The following IFT122 variants were observed in gnomAD, a reference collection of about 807,000 sequenced individuals.
The protein encoded by IFT122 is intraflagellar transport protein 122 homolog.
Under a neutral mutation model 161.6 loss-of-function variants are expected in IFT122, and 118 were observed. The observed-to-expected ratio is 0.73, with a 90% CI of 0.63 to 0.85. IFT122 has a LOEUF of 0.85. Ranked by LOEUF, IFT122 falls within the 40% of genes least tolerant of loss-of-function variation. The pLI, the probability that IFT122 is intolerant of heterozygous loss-of-function variation, is 0.00. For synonymous variants in IFT122, 550 were observed against 602.4 expected (o/e 0.91, Z 1.27); for missense variants, 1,381 against 1,579.6 (o/e 0.87, Z 2.13).
intron 4 of IFT122, among the ~76,000 whole-genome samples, chr3:129,459,926 A>G (rs1025318773): frequency 6.6e-6 from 1 of 151,656 alleles, no homozygotes; most frequent in African/African-American, 2.4e-5. Flanking sequence ...GCCAATTTTT[A>G]AATTTTTTTT....
At chr3:129,504,727 G>C (rs1249022221) in intron 21 of IFT122, among the ~76,000 whole-genome samples, 1 of 152,124 alleles carries the variant, frequency 6.6e-6, no homozygotes, top group Non-Finnish European at 1.5e-5. Context: ...TTTAATCCTC[G>C]CAACAGCCCT....
intron 9 of IFT122, 194 bp from the exon 10 acceptor site, chr3:129,476,121 G>A: frequency 1.5e-6 from 1 of 647,212 alleles, no homozygotes; most frequent in Non-Finnish European, 2.8e-6. Flanking sequence ...TTTGGGCTGT[G>A]TAGAGGATGA....
intron 3 of IFT122, chr3:129,452,239 C>T (rs2074938152): frequency 4.1e-6 from 2 of 482,200 alleles, no homozygotes; most frequent in Non-Finnish European, 7.6e-6. Context: ...GGTGGTCCCT[C>T]CCCTTATGGG....
At chr3:129,493,259 G>A (rs187896122) in intron 17 of IFT122, among the ~76,000 whole-genome samples, 1 of 152,350 alleles carries the variant, frequency 6.6e-6, no homozygotes, top group African/African-American at 2.4e-5. Context: ...TGGAAACAGT[G>A]AGGAAATAGC....
At chr3:129,453,740 A>G (rs1326551872) in intron 3 of IFT122, among the ~76,000 whole-genome samples, 4 of 152,204 alleles carry the variant, frequency 2.6e-5, no homozygotes, top group Non-Finnish European at 5.9e-5. Flanking sequence ...AAGGATTGTT[A>G]CAGTTGGGGT....
intron 17 of IFT122, among the ~76,000 whole-genome samples, chr3:129,493,733 C>G (rs1410937908): frequency 1.3e-5 from 2 of 152,208 alleles, no homozygotes; most frequent in African/African-American, 4.8e-5. Flanking sequence ...TGCTGACTTT[C>G]ACTTGTAAAT....
At position 129,499,916 on chromosome 3, in the gene IFT122, T is replaced by C. The variant is rs764418590; in HGVS notation, c.2223T>C (p.Ser741=). The change falls in exon 19 of 30, where the codon TCT becomes TCC. Residue 741 remains serine, a synonymous_variant. Transcript: ENST00000348417. ...MFEYAKDFLG[S]GDPKETKMLI... is the part of the protein sequence containing the mutation. ...TGCTTCCTCAGGATTTCCTTGGATC[T>C]GGAGACCCCAAAGAAACAAAGATGC... The C allele has an allele frequency of 1.9e-6, 3 of 1,614,060 alleles. No individual in the cohort carries two copies. The highest frequency in any genetic ancestry group is 2.5e-6 in the Non-Finnish European group (3 of 1,180,022).
intron 12 of IFT122, among the ~76,000 whole-genome samples, chr3:129,479,521 T>A (rs2078380622): frequency 2.0e-5 from 3 of 152,148 alleles, no homozygotes; most frequent in Admixed American, 2.0e-4. Flanking sequence ...GTGGCAAGTA[T>A]GTGTACTTTT....
At chr3:129,491,948 C>T (rs2080160329) in intron 16 of IFT122, among the ~76,000 whole-genome samples, 193 bp from the exon 17 acceptor site, 1 of 152,174 alleles carries the variant, frequency 6.6e-6, no homozygotes, top group African/African-American at 2.4e-5. Flanking sequence ...TTACATGGTC[C>T]AATCCCATGG....
chr3:129,461,479 A>G, intron 5 of IFT122, 175 bp downstream of exon 5: 1 of 668,798 alleles, frequency 1.5e-6, no homozygotes, highest in East Asian at 2.8e-5. Flanking sequence ...AAACCAAGAC[A>G]GTGAATGGTG....
rs36222038 is a variant in IFT122, at chr3:129,440,386, G to T, written c.41+15G>T. On this transcript the variant is annotated intron_variant, in intron 1 of 29. Coordinates refer to ENST00000348417, the MANE Select transcript of IFT122 (RefSeq NM_052989.3). ...GCCGAGCACTGGTGAGGAGCGGGGCGGTTCGCGAAGAGCAGGAGGTCGAGT... is the reference window on the plus strand; with the variant it reads ...GCCGAGCACTGGTGAGGAGCGGGGCTGTTCGCGAAGAGCAGGAGGTCGAGT... The T allele has an allele frequency of 1.0e-3, 1,590 of 1,550,394 alleles. 1 individual carries two copies. The highest frequency in any genetic ancestry group is 1.4e-3 in the East Asian group (58 of 40,922).
chr3:129,455,898 T>TGAGGAGGAG (rs57434974), intron 3 of IFT122, among the ~76,000 whole-genome samples: 1 of 150,618 alleles, frequency 6.6e-6, no homozygotes, highest in Non-Finnish European at 1.5e-5. Context: ...TTGAATAGGC[T>TGAGGAGGAG]GAGGAGGAGG....
chr3:129,454,212 C>G (rs144202641), intron 3 of IFT122, among the ~76,000 whole-genome samples: 1 of 152,094 alleles, frequency 6.6e-6, no homozygotes, highest in East Asian at 1.9e-4. Context: ...CACTTTAGTC[C>G]TGCATAAAGA....
Position 129,514,491 on chromosome 3 carries a change from A to T in IFT122, c.3090A>T (p.Arg1030Ser). 6.2e-7 allele frequency: 1 copy of T among 1,614,206 alleles called. No individual in the cohort carries two copies. The highest frequency in any genetic ancestry group is 8.5e-7 in the Non-Finnish European group (1 of 1,180,026). The change falls in exon 25 of 30, where the codon AGA (arginine) becomes AGT (serine). Residue 1030 changes from arginine (R) to serine (S), a missense_variant. Transcript: ENST00000348417. Reference protein sequence around the residue: ...DKLRGLYIPARFQKSIELGTL... With the variant: ...DKLRGLYIPASFQKSIELGTL... ...TGCGTGGCCTGTACATCCCTGCCAG[A>T]TTCCAAAAGTCCATTGAGCTGGGTA...
rs546420958 is a variant in IFT122 at position 129,520,385 on chromosome 3, T to TG, written c.*128dup. 4,808 of 820,114 alleles carry TG rather than the reference T, an allele frequency of 5.9e-3. 17 individuals carry two copies. The highest frequency in any genetic ancestry group is 7.6e-3 in the Non-Finnish European group (3,770 of 493,558). 50.8% of individuals were successfully genotyped at this position (820,114 alleles called of 1,614,324 possible). A position where few individuals can be genotyped will look rare whatever the true frequency, so the allele number is the denominator to read the frequency against. Reference sequence around the variant, plus strand: ...TTGCCCAGATGAAGTTTGTGTTTTGTGGGGGGGGCCTTGTGTAACCACGGA... The same window carrying TG: ...TTGCCCAGATGAAGTTTGTGTTTTGTGGGGGGGGGCCTTGTGTAACCACGGA... On this transcript the variant is annotated 3_prime_UTR_variant, in exon 30 of 30. Transcript: ENST00000348417.
chr3:129,483,683 G>GT lies in IFT122; in HGVS notation c.1851+2dup, dbSNP rs1173356704. 6.3e-7 allele frequency: 1 copy of GT among 1,585,392 alleles called. No homozygotes were observed. The highest frequency in any genetic ancestry group is 8.6e-7 in the Non-Finnish European group (1 of 1,165,446). On this transcript the variant is annotated splice_donor_variant, in intron 15 of 29. Coordinates refer to ENST00000348417, the MANE Select transcript of IFT122 (RefSeq NM_052989.3). LOFTEE classifies it high-confidence loss of function. ...CATTTCTGCCGTGGAGGTGCCGCAGGTAACTGGGGGTGCCTGTCCACTCTT... is the reference window on the plus strand; with the variant it reads ...CATTTCTGCCGTGGAGGTGCCGCAGGTTAACTGGGGGTGCCTGTCCACTCTT...
chr3:129,519,301 TGTG>T (rs1447607142), intron 28 of IFT122, 115 bp downstream of exon 28: 4 of 1,092,208 alleles, frequency 3.7e-6, no homozygotes, highest in East Asian at 2.4e-5. Context: ...AACTTCCAGA[TGTG>T]GTGGCACGAA....
At chr3:129,445,837 G>A (rs1357614078) in intron 1 of IFT122, among the ~76,000 whole-genome samples, 1 of 152,204 alleles carries the variant, frequency 6.6e-6, no homozygotes, top group African/African-American at 2.4e-5. Flanking sequence ...CTCAGCAGGT[G>A]CTGTCTGGAA....
chr3:129,446,089 T>A (rs183158342), intron 1 of IFT122, among the ~76,000 whole-genome samples: 8 of 151,062 alleles, frequency 5.3e-5, no homozygotes, highest in Non-Finnish European at 1.2e-4. Context: ...ACACAGACTT[T>A]AAGTATGATA....
Sources: gnomAD v4.1 joint callset for allele counts (sites outside exome capture counted in the v4.1 genomes callset) on GRCh38, gnomAD v4.1.1 for gene constraint, MANE v1.5 for transcripts, NCBI Gene and HGNC (gene_info 2026-07-23, HGNC 2026-07-21) for gene names.